Variants in FAM117B observed in about 807,000 individuals in gnomAD.
FAM117B encodes the protein family with sequence similarity 117 member B, also known as protein FAM117B.
Under a neutral mutation model 52.8 loss-of-function variants are expected in FAM117B, and 22 were observed. The observed-to-expected ratio is 0.42, with a 90% CI of 0.30 to 0.59. The LOEUF (loss-of-function observed/expected upper bound fraction) is 0.59. FAM117B is among the 20% of genes least tolerant of loss of function. FAM117B has a pLI of 0.22. For missense variants in FAM117B, 678 were observed against 802.6 expected (o/e 0.84, Z 1.88); for synonymous variants, 309 against 324.1 (o/e 0.95, Z 0.50).
intron 1 of FAM117B, among the ~76,000 whole-genome samples, chr2:202,695,467 G>A (rs1372385776): frequency 6.6e-6 from 1 of 152,074 alleles, no homozygotes; most frequent in Non-Finnish European, 1.5e-5. Context: ...CTCCCTACCT[G>A]CTAGTCACTT....
chr2:202,699,032 C>T (rs1200726307), intron 2 of FAM117B, among the ~76,000 whole-genome samples: 1 of 152,184 alleles, frequency 6.6e-6, no homozygotes, highest in Admixed American at 6.5e-5. Flanking sequence ...GTCTTTTCAG[C>T]AAATTGCTGT....
intron 2 of FAM117B, among the ~76,000 whole-genome samples, chr2:202,720,678 A>C (rs1020710446): frequency 1.3e-5 from 2 of 151,908 alleles, no homozygotes; most frequent in Non-Finnish European, 2.9e-5. Context: ...TTCCACATTC[A>C]TACATTGCAC....
chr2:202,715,986 G>T (rs1466219440), intron 2 of FAM117B, among the ~76,000 whole-genome samples: 1 of 152,234 alleles, frequency 6.6e-6, no homozygotes, highest in African/African-American at 2.4e-5. Context: ...GCAGGCTGAG[G>T]CAGGAGAATC....
intron 1 of FAM117B, among the ~76,000 whole-genome samples, chr2:202,671,544 T>C (rs1262192571): frequency 6.6e-6 from 1 of 152,200 alleles, no homozygotes; most frequent in African/African-American, 2.4e-5. Flanking sequence ...GAGGCTCAGA[T>C]GCTGAGAAAT....
chr2:202,635,466 C>T lies in FAM117B; in HGVS notation c.279C>T (p.Ser93=), dbSNP rs1305515534. 4.6e-6 allele frequency: 5 copies of T among 1,094,440 alleles called. No individual in the cohort carries two copies. Among genetic ancestry groups the T allele is most frequent in the Non-Finnish European group, 5.5e-6 (5 of 902,766 alleles). The allele number at this position is 1,094,440 out of a possible 1,614,324, so 67.8% of individuals were successfully genotyped here. A position where few individuals can be genotyped will look rare whatever the true frequency, so the allele number is the denominator to read the frequency against. The change falls in exon 1 of 8, where the codon AGC becomes AGT. Residue 93 remains serine, a synonymous_variant. Transcript: ENST00000392238. The part of the protein sequence containing the change: ...GGPRTASRST[S]PTRGGGNAAA... ...CGCGCACCGCCTCGCGCAGCACCAG[C>T]CCCACGCGCGGCGGCGGGAACGCGG...
intron 1 of FAM117B, among the ~76,000 whole-genome samples, chr2:202,679,860 T>C (rs1690436253): frequency 6.6e-6 from 1 of 151,876 alleles, no homozygotes; most frequent in African/African-American, 2.4e-5. Flanking sequence ...TAAACTATAA[T>C]GAGAAAACTA....
At chr2:202,690,342 C>T (rs1342639483) in intron 1 of FAM117B, among the ~76,000 whole-genome samples, 1 of 152,070 alleles carries the variant, frequency 6.6e-6, no homozygotes, top group Non-Finnish European at 1.5e-5. Context: ...CATCTCAAGT[C>T]TTCTTCATTT....
At chr2:202,756,651 G>T (rs925131939) in intron 5 of FAM117B, among the ~76,000 whole-genome samples, 1 of 152,016 alleles carries the variant, frequency 6.6e-6, no homozygotes, top group Non-Finnish European at 1.5e-5. Flanking sequence ...ATTCCCTGAT[G>T]TAATAAAGGT....
chr2:202,733,601 C>G (rs1243927293), intron 4 of FAM117B, among the ~76,000 whole-genome samples: 1 of 152,286 alleles, frequency 6.6e-6, no homozygotes, highest in East Asian at 1.9e-4. Context: ...CCTACTTGCA[C>G]GTCCATTTAT....
chr2:202,747,950 A>G (rs1691659456), intron 4 of FAM117B, among the ~76,000 whole-genome samples: 1 of 152,210 alleles, frequency 6.6e-6, no homozygotes, highest in Non-Finnish European at 1.5e-5. Context: ...TTCTTCACAG[A>G]AATAGAAGAA....
chr2:202,659,997 C>G (rs892984218), intron 1 of FAM117B, among the ~76,000 whole-genome samples: 3 of 151,930 alleles, frequency 2.0e-5, no homozygotes, highest in African/African-American at 4.8e-5. Flanking sequence ...TATTTTTAGG[C>G]TTACTGTTTC....
chr2:202,727,128 C>G (rs1302873165), intron 4 of FAM117B, among the ~76,000 whole-genome samples: 1 of 152,018 alleles, frequency 6.6e-6, no homozygotes, highest in Non-Finnish European at 1.5e-5. Context: ...CATTTCAGGT[C>G]TTTTCAGGAT....
intron 4 of FAM117B, among the ~76,000 whole-genome samples, chr2:202,732,692 G>A (rs573234752): frequency 1.3e-4 from 20 of 152,128 alleles, no homozygotes; most frequent in African/African-American, 3.6e-4. Context: ...ATGGCGGCAC[G>A]TGCCTGTAGT....
intron 1 of FAM117B, among the ~76,000 whole-genome samples, chr2:202,653,906 A>G (rs754601410): frequency 6.8e-4 from 103 of 152,148 alleles, no homozygotes; most frequent in South Asian, 4.1e-4. Context: ...CTACTATTCA[A>G]CCTTTTCTGT....
intron 1 of FAM117B, among the ~76,000 whole-genome samples, chr2:202,643,989 C>T (rs1265974421): frequency 2.7e-5 from 4 of 148,786 alleles, no homozygotes; most frequent in Non-Finnish European, 4.5e-5. Flanking sequence ...GAATTACAGG[C>T]GTGAGCCACC....
Position 202,715,608 on chromosome 2 carries a change from AG to A in FAM117B, c.754-9307del, listed in dbSNP as rs1187578735. Among the ~76,000 whole-genome samples, 3 of 148,320 alleles carry A rather than the reference AG, an allele frequency of 2.0e-5. No individual in the cohort carries two copies. In the East Asian group the frequency reaches 6.1e-4, roughly 30 times the overall value. ...TCCTCACTTCCCAGACTGGGCAGCC[AG>A]GCAGAGGGGCTCCTCACATCCCAGA... is the stretch of plus-strand genomic sequence containing the variant. On this transcript the variant is annotated intron_variant, in intron 2 of 7. Coordinates refer to ENST00000392238, the MANE Select transcript of FAM117B (RefSeq NM_173511.4).
chr2:202,756,098 A>G (rs1691797035), intron 5 of FAM117B, among the ~76,000 whole-genome samples: 1 of 152,168 alleles, frequency 6.6e-6, no homozygotes, highest in African/African-American at 2.4e-5. Context: ...TTGACATGCT[A>G]GGCTATGTCA....
At chr2:202,685,279 C>G (rs1219637610) in intron 1 of FAM117B, among the ~76,000 whole-genome samples, 3 of 152,174 alleles carry the variant, frequency 2.0e-5, no homozygotes, top group African/African-American at 7.2e-5. Context: ...GCTACTGTGC[C>G]TGGCCAATTA....
At chr2:202,666,702 TCTG>T (rs1197554669) in intron 1 of FAM117B, among the ~76,000 whole-genome samples, 1 of 148,002 alleles carries the variant, frequency 6.8e-6, no homozygotes, top group Non-Finnish European at 1.5e-5. Context: ...AGAGTCTCGC[TCTG>T]CTGCCCAGGC....
Sources: allele counts gnomAD v4.1 joint callset (sites outside exome capture counted in the v4.1 genomes callset), GRCh38; gene constraint gnomAD v4.1.1; transcripts MANE v1.5; gene names NCBI Gene and HGNC (gene_info 2026-07-23, HGNC 2026-07-21).